SLC44A5: variants seen among roughly 807,000 people sequenced by gnomAD.
SLC44A5 encodes the protein choline transporter-like protein 5.
In SLC44A5, 57 loss-of-function variants were observed where a neutral mutation model predicts 101.8. That is an observed-to-expected ratio of 0.56 (90% confidence interval 0.45 to 0.70). The LOEUF (loss-of-function observed/expected upper bound fraction) is 0.70. Ranked by LOEUF, SLC44A5 falls within the 30% of genes least tolerant of loss-of-function variation. SLC44A5 has a pLI of 0.00. For missense variants in SLC44A5, 737 were observed against 853.1 expected, an observed-to-expected ratio of 0.86 and a Z score of 1.70; for synonymous variants, 281 against 290.9, an observed-to-expected ratio of 0.97 and a Z score of 0.35.
intron 2 of SLC44A5, among the ~76,000 whole-genome samples, chr1:75,454,757 G>A (rs1446286559): frequency 6.6e-6 from 1 of 151,950 alleles, no homozygotes; most frequent in African/African-American, 2.4e-5. Flanking sequence ...TATTCAAGCT[G>A]AGAGCCAAAT....
At chr1:75,254,373 G>A (rs1223763207) in intron 6 of SLC44A5, among the ~76,000 whole-genome samples, 1 of 152,062 alleles carries the variant, frequency 6.6e-6, no homozygotes, top group Non-Finnish European at 1.5e-5. Context: ...AGTAGATGGT[G>A]GTGGTTGCAG....
At chr1:75,539,634 C>T (rs775204350) in intron 2 of SLC44A5, among the ~76,000 whole-genome samples, 3 of 152,082 alleles carry the variant, frequency 2.0e-5, no homozygotes, top group Non-Finnish European at 2.9e-5. Context: ...AATGTCCTTA[C>T]GCAGTAATGG....
At chr1:75,268,666 A>G (rs982026454) in intron 6 of SLC44A5, among the ~76,000 whole-genome samples, 1 of 152,184 alleles carries the variant, frequency 6.6e-6, no homozygotes, top group Non-Finnish European at 1.5e-5. Context: ...ATATGTTTTC[A>G]TATATGTGAA....
At chr1:75,404,322 C>A (rs1298141999) in intron 2 of SLC44A5, among the ~76,000 whole-genome samples, 2 of 152,172 alleles carry the variant, frequency 1.3e-5, no homozygotes, top group Non-Finnish European at 2.9e-5. Flanking sequence ...GAAAGGCCAA[C>A]ATGCAAATTC....
intron 10 of SLC44A5, among the ~76,000 whole-genome samples, chr1:75,238,014 G>A (rs535926062): frequency 2.0e-5 from 3 of 151,662 alleles, no homozygotes; most frequent in Admixed American, 6.6e-5. Context: ...GCCAAGGGAC[G>A]TGGGGAATTT....
At chr1:75,478,971 C>T (rs1382172660) in intron 2 of SLC44A5, among the ~76,000 whole-genome samples, 1 of 152,194 alleles carries the variant, frequency 6.6e-6, no homozygotes, top group Non-Finnish European at 1.5e-5. Context: ...CCACACCACA[C>T]CTATTCCAAA....
chr1:75,619,181 G>T, the SLC44A5 span, among the ~76,000 whole-genome samples: 2 of 150,368 alleles, frequency 1.3e-5, no homozygotes, highest in African/African-American at 4.9e-5. Flanking sequence ...AGGGAGGATG[G>T]AAGGAAGGAA....
intron 2 of SLC44A5, among the ~76,000 whole-genome samples, chr1:75,420,313 A>G (rs1663924207): frequency 6.6e-6 from 1 of 152,140 alleles, no homozygotes; most frequent in Non-Finnish European, 1.5e-5. Context: ...AAAATAAAAC[A>G]AAGTATAGCT....
chr1:75,618,062 T>C, the SLC44A5 span, among the ~76,000 whole-genome samples: 5 of 152,200 alleles, frequency 3.3e-5, no homozygotes, highest in African/African-American at 4.8e-5. Context: ...TTTAACTCAA[T>C]ACCCAGCTCT....
At chr1:75,536,941 G>C (rs1482831336) in intron 2 of SLC44A5, among the ~76,000 whole-genome samples, 1 of 126,494 alleles carries the variant, frequency 7.9e-6, no homozygotes, top group East Asian at 2.4e-4. Context: ...GGGAGGCGGA[G>C]CTTGCAGTGA....
the SLC44A5 span, among the ~76,000 whole-genome samples, chr1:75,691,497 C>A: frequency 6.6e-6 from 1 of 152,150 alleles, no homozygotes; most frequent in African/African-American, 2.4e-5. Flanking sequence ...ATTAGAGGCA[C>A]TTGATTTATT....
chr1:75,391,476 A>G (rs1339194021), intron 3 of SLC44A5, among the ~76,000 whole-genome samples: 3 of 152,210 alleles, frequency 2.0e-5, no homozygotes, highest in Non-Finnish European at 4.4e-5. Context: ...AAACTATACT[A>G]TAAGGCTACA....
At chr1:75,656,903 C>T in the SLC44A5 span, among the ~76,000 whole-genome samples, 2 of 152,140 alleles carry the variant, frequency 1.3e-5, no homozygotes, top group Admixed American at 6.6e-5. Flanking sequence ...AATCCCAGCA[C>T]TTTGGGAGGA....
intron 2 of SLC44A5, among the ~76,000 whole-genome samples, chr1:75,453,289 G>A (rs1440061545): frequency 6.6e-6 from 1 of 152,038 alleles, no homozygotes; most frequent in Non-Finnish European, 1.5e-5. Context: ...TAACTTCTAG[G>A]TAAGCAATTA....
At chr1:75,237,462 T>G (rs866775056) in intron 10 of SLC44A5, among the ~76,000 whole-genome samples, 1 of 152,068 alleles carries the variant, frequency 6.6e-6, no homozygotes, top group Non-Finnish European at 1.5e-5. Flanking sequence ...CAGTAAGGCA[T>G]GATGGAACAC....
intron 13 of SLC44A5, among the ~76,000 whole-genome samples, chr1:75,224,959 G>C (rs1314539053): frequency 6.6e-6 from 1 of 151,898 alleles, no homozygotes; most frequent in Non-Finnish European, 1.5e-5. Flanking sequence ...AGTAAGCTTA[G>C]GTTAATTATT....
chr1:75,255,980 C>T (rs1399825596), intron 6 of SLC44A5, among the ~76,000 whole-genome samples: 4 of 152,082 alleles, frequency 2.6e-5, no homozygotes, highest in African/African-American at 9.7e-5. Context: ...AGCAAGTTTA[C>T]TTCTTATGCT....
At chr1:75,224,354 T>C (rs1647152634) in intron 13 of SLC44A5, among the ~76,000 whole-genome samples, 1 of 152,180 alleles carries the variant, frequency 6.6e-6, no homozygotes, top group Admixed American at 6.5e-5. Context: ...TATTTCAGAG[T>C]GTACTCCCAC....
the SLC44A5 span, among the ~76,000 whole-genome samples, chr1:75,685,794 GC>G: frequency 6.6e-6 from 1 of 152,114 alleles, no homozygotes; most frequent in Non-Finnish European, 1.5e-5. Flanking sequence ...TATCCTTATA[GC>G]AGCACTCCAC....
Sources: gnomAD v4.1 joint callset for allele counts (sites outside exome capture counted in the v4.1 genomes callset) on GRCh38, gnomAD v4.1.1 for gene constraint, MANE v1.5 for transcripts, NCBI Gene and HGNC (gene_info 2026-07-23, HGNC 2026-07-21) for gene names.